CCND2: variants seen among roughly 807,000 people sequenced by gnomAD.
CCND2 encodes G1/S-specific cyclin-D2.
In CCND2, 6 loss-of-function variants were observed where a neutral mutation model predicts 30.2. The observed-to-expected ratio is 0.20, with a 90% CI of 0.11 to 0.39. CCND2 has a LOEUF of 0.39. Among genes scored for constraint, CCND2 ranks in the 10% least tolerant of loss-of-function variants. The probability of loss-of-function intolerance (pLI) is 1.00; values close to 1 mark genes in which losing one functional copy is unlikely to be tolerated. For synonymous variants in CCND2, 150 were observed against 153.1 expected, an observed-to-expected ratio of 0.98 and a Z score of 0.15; for missense variants, 235 against 373.4, an observed-to-expected ratio of 0.63 and a Z score of 3.06.
intron 4 of CCND2, among the ~76,000 whole-genome samples, chr12:4,294,542 G>A (rs1864141794): frequency 1.3e-5 from 2 of 152,124 alleles, no homozygotes; most frequent in South Asian, 2.1e-4. Flanking sequence ...CAGCCACTTG[G>A]GCTCTGTCTC....
chr12:4,282,239 G>GCTCA lies in CCND2; in HGVS notation c.571+3322_571+3325dup. On this transcript the variant is annotated intron_variant, in intron 3 of 4. Coordinates refer to ENST00000261254, the MANE Select transcript of CCND2 (RefSeq NM_001759.4). The surrounding 1 kb of genome is among the most constrained non-coding windows in gnomAD (Gnocchi z 4.3). ...CACCTGGCACCGGGTAGGGGGAGGT[G>GCTCA]CTCACCCTCCCTCTCCAGGCACCCA... 6.6e-6 allele frequency among the ~76,000 whole-genome samples: 1 copy of GCTCA among 152,226 alleles called. No individual in the cohort carries two copies. Among genetic ancestry groups the GCTCA allele is most frequent in the East Asian group, 1.9e-4 (1 of 5,174 alleles).
chr12:4,288,070 T>C (rs1029212681), intron 3 of CCND2, among the ~76,000 whole-genome samples: 1 of 152,158 alleles, frequency 6.6e-6, no homozygotes, highest in Non-Finnish European at 1.5e-5. Flanking sequence ...ATGCAATGAT[T>C]AATCTTCAGT....
intron 4 of CCND2, among the ~76,000 whole-genome samples, chr12:4,296,418 C>T (rs1046999166): frequency 6.6e-6 from 1 of 152,238 alleles, no homozygotes; most frequent in South Asian, 2.1e-4. Flanking sequence ...CTGTGCCATG[C>T]GAAACCCTCT....
chr12:4,275,994 T>G lies in CCND2; in HGVS notation c.196-11T>G. On this transcript the variant is annotated splice_polypyrimidine_tract_variant and intron_variant, in intron 1 of 4. Coordinates refer to ENST00000261254, the MANE Select transcript of CCND2 (RefSeq NM_001759.4). ...CCCCCGCCCCCCAACCCTTTCCCAC[T>G]CCCATTATAGGTCTGTGAGGAACAG... is the stretch of plus-strand genomic sequence containing the variant. 2.4e-6 allele frequency: 2 copies of G among 838,440 alleles called. No homozygotes were observed. Among genetic ancestry groups the G allele is most frequent in the Non-Finnish European group, 3.4e-6 (2 of 579,976 alleles). 51.9% of individuals were successfully genotyped at this position (838,440 alleles called of 1,614,324 possible). A position where few individuals can be genotyped will look rare whatever the true frequency, so the allele number is the denominator to read the frequency against.
rs1450035890 is a variant in CCND2, at chr12:4,285,354, CT to C, written c.572-3487del. 2.9e-5 allele frequency: 29 copies of C among 985,152 alleles called. No individual in the cohort carries two copies. The East Asian group carries it at 1.0e-3, about 35-fold the overall frequency. 61.0% of individuals were successfully genotyped at this position (985,152 alleles called of 1,614,324 possible). ...CGATGGCGAGGGCACACCCTCACCC[CT>C]GAGCGTGCCTTCTGCACCAGCATAT... On this transcript the variant is annotated intron_variant, in intron 3 of 4. Transcript: ENST00000261254. The surrounding 1 kb of genome is among the most constrained non-coding windows in gnomAD (Gnocchi z 4.1).
In CCND2 at chr12:4,274,091, C is replaced by T. The variant is rs2120513286; in HGVS notation, c.51C>T (p.Asp17=). The change falls in exon 1 of 5, where the codon GAC becomes GAT. Residue 17 remains aspartate (D), a synonymous_variant. Coordinates refer to ENST00000261254, the MANE Select transcript of CCND2 (RefSeq NM_001759.4). The surrounding 1 kb of genome is among the most constrained non-coding windows in gnomAD (Gnocchi z 7.7). ...EVDPVRRAVR[D]RNLLRDDRVL... ...ACCCGGTCCGCAGGGCCGTGCGGGA[C>T]CGCAACCTGCTCCGAGACGACCGCG... The T allele has an allele frequency of 6.2e-7, 1 of 1,613,740 alleles. No individual in the cohort carries two copies. Among genetic ancestry groups the T allele is most frequent in the Non-Finnish European group, 8.5e-7 (1 of 1,179,908 alleles).
rs2120597716 is a variant in CCND2, at chr12:4,301,444, T to G, written c.*1435T>G. 1 of 232,860 alleles carries G rather than the reference T, an allele frequency of 4.3e-6. No homozygotes were observed. The highest frequency in any genetic ancestry group is 6.1e-5 in the East Asian group (1 of 16,508). 14.4% of individuals were successfully genotyped at this position (232,860 alleles called of 1,614,324 possible). ...CTTCCTCTCCACTTCTTAGAGGCAT[T>G]CAGTTAGCAAAGAGGTTGGAGCAAC... On this transcript the variant is annotated 3_prime_UTR_variant, in exon 5 of 5. Transcript: ENST00000261254.
rs758862176 is a variant in CCND2, at chr12:4,288,994, G to A, written c.720+4G>A. 4.4e-6 allele frequency: 7 copies of A among 1,607,188 alleles called. No individual in the cohort carries two copies. In the East Asian group the frequency reaches 1.6e-4, roughly 36 times the overall value. Reference sequence around the variant, plus strand: ...TAAGATCACCAACACAGACGTGGTAGGTGGCCACCACCTTCTTGGCTAAGT... The same window carrying A: ...TAAGATCACCAACACAGACGTGGTAAGTGGCCACCACCTTCTTGGCTAAGT... On this transcript the variant is annotated splice_donor_region_variant and intron_variant, in intron 4 of 4. Coordinates refer to ENST00000261254, the MANE Select transcript of CCND2 (RefSeq NM_001759.4).
At position 4,274,352 on chromosome 12, in the gene CCND2, C is replaced by A; in HGVS notation, c.195+117C>A. ...CCGCGCCGGCCTCCCGGCTCCTGTG[C>A]GGGAGTTTACCGCGCGCCTTCTGGC... On this transcript the variant is annotated intron_variant, in intron 1 of 4. Transcript: ENST00000261254. The surrounding 1 kb of genome is among the most constrained non-coding windows in gnomAD (Gnocchi z 7.7). The A allele has an allele frequency of 9.2e-7, 1 of 1,085,090 alleles. No individual in the cohort carries two copies. Among genetic ancestry groups the A allele is most frequent in the Non-Finnish European group, 1.4e-6 (1 of 739,686 alleles). 67.2% of individuals were successfully genotyped at this position (1,085,090 alleles called of 1,614,324 possible). A position where few individuals can be genotyped will look rare whatever the true frequency, so the allele number is the denominator to read the frequency against.
intron 4 of CCND2, chr12:4,297,899 G>A (rs1236855882): frequency 2.3e-6 from 1 of 441,082 alleles, no homozygotes; most frequent in Non-Finnish European, 4.6e-6. Flanking sequence ...TCCTGCTGCT[G>A]CGTCACGTCT....
chr12:4,305,000 CT>C lies in CCND2; in HGVS notation c.*5002del, dbSNP rs61152953. On this transcript the variant is annotated 3_prime_UTR_variant, in exon 5 of 5. Coordinates refer to ENST00000261254, the MANE Select transcript of CCND2 (RefSeq NM_001759.4). This position sits in a 1 kb window ranked among gnomAD's most constrained non-coding sequence, Gnocchi z 6.2. ...GGACTTTTTTTTTTCTTTTCTTTTT[CT>C]TTTTTTTTTTGCTTTAAAACAAGTG... 0.4 allele frequency: 78,487 copies of C among 195,498 alleles called. 12,241 individuals are homozygous for C. Among genetic ancestry groups the C allele is most frequent in the East Asian group, 0.57 (8,048 of 14,036 alleles). 12.1% of individuals were successfully genotyped at this position (195,498 alleles called of 1,614,324 possible). A position where few individuals can be genotyped will look rare whatever the true frequency, so the allele number is the denominator to read the frequency against.
chr12:4,299,951 C>G lies in CCND2; in HGVS notation c.812C>G (p.Ser271Trp), dbSNP rs776036883. 6.2e-7 allele frequency: 1 copy of G among 1,614,082 alleles called. No homozygotes were observed. The highest frequency in any genetic ancestry group is 8.5e-7 in the Non-Finnish European group (1 of 1,180,000). Residue 271 changes from serine to tryptophan, a missense_variant, in exon 5 of 5, where the codon TCG becomes TGG. Physicochemically the swap from Ser to Trp is radical, Grantham distance 177 (BLOSUM62 -3). Coordinates refer to ENST00000261254, the MANE Select transcript of CCND2 (RefSeq NM_001759.4). This position sits in a 1 kb window ranked among gnomAD's most constrained non-coding sequence, Gnocchi z 5.2. ...CAGGACCAACGTGACGGATCCAAGT[C>G]GGAGGATGAACTGGACCAAGCCAGC... ...YRQDQRDGSK[S>W]EDELDQASTP...
intron 3 of CCND2, 105 bp downstream of exon 3, chr12:4,279,024 G>A (rs925232064): frequency 5.9e-6 from 7 of 1,185,228 alleles, no homozygotes; most frequent in Non-Finnish European, 8.2e-6. Flanking sequence ...TCAGGAGTTT[G>A]GAGGAGGGGT....
chr12:4,281,350 G>T (rs763607678), intron 3 of CCND2, among the ~76,000 whole-genome samples: 28 of 152,208 alleles, frequency 1.8e-4, no homozygotes, highest in African/African-American at 6.8e-4. Context: ...ACCGAAGGCC[G>T]CTTTTCTTGA....
rs750783951 is a variant in CCND2, at chr12:4,288,989, T to C, written c.719T>C (p.Val240Ala). The C allele has an allele frequency of 8.7e-6, 14 of 1,608,614 alleles. No individual in the cohort carries two copies. The South Asian group carries it at 1.4e-4, about 17-fold the overall frequency. ...CTGGCTAAGATCACCAACACAGACG[T>C]GGTAGGTGGCCACCACCTTCTTGGC... Reference protein sequence around the residue: ...ELLAKITNTDVDCLKACQEQI... With the variant: ...ELLAKITNTDADCLKACQEQI... The change falls in exon 4 of 5, where the codon GTG becomes GCG. Residue 240 changes from valine (V) to alanine (A), a missense_variant and splice_region_variant. This residue lies in a region of CCND2 where 178 missense variants were observed against 322.8 expected (regional missense o/e 0.55). Coordinates refer to ENST00000261254, the MANE Select transcript of CCND2 (RefSeq NM_001759.4).
chr12:4,276,043 T>C lies in CCND2; in HGVS notation c.234T>C (p.Pro78=), dbSNP rs560009483. 1.3e-6 allele frequency: 2 copies of C among 1,591,832 alleles called. No individual in the cohort carries two copies. The highest frequency in any genetic ancestry group is 4.6e-5 in the East Asian group (2 of 43,754). ...AGAAGTGCGAAGAAGAGGTCTTCCC[T>C]CTGGCCATGAATTACCTGGACCGTT... ...EEQKCEEEVF[P]LAMNYLDRFL... Residue 78 remains proline (P), a synonymous_variant, in exon 2 of 5, where the codon CCT becomes CCC. Coordinates refer to ENST00000261254, the MANE Select transcript of CCND2 (RefSeq NM_001759.4). The surrounding 1 kb of genome is among the most constrained non-coding windows in gnomAD (Gnocchi z 4.8).
At position 4,278,786 on chromosome 12, in the gene CCND2, G is replaced by C; in HGVS notation, c.438G>C (p.Lys146Asn). Reference protein sequence around the residue: ...LLEWELVVLGKLKWNLAAVTP... With the variant: ...LLEWELVVLGNLKWNLAAVTP... ...AGTGGGAACTGGTGGTGCTGGGGAA[G>C]TTGAAGTGGAACCTGGCAGCTGTCA... The change falls in exon 3 of 5, where the codon AAG becomes AAC. Residue 146 changes from lysine (K) to asparagine (N), a missense_variant. Coordinates refer to ENST00000261254, the MANE Select transcript of CCND2 (RefSeq NM_001759.4). 1 of 1,614,196 alleles carries C rather than the reference G, an allele frequency of 6.2e-7. No homozygotes were observed. The highest frequency in any genetic ancestry group is 8.5e-7 in the Non-Finnish European group (1 of 1,179,992).
In CCND2 at chr12:4,305,004, T is replaced by C. The variant is rs932502413; in HGVS notation, c.*4995T>C. On this transcript the variant is annotated 3_prime_UTR_variant, in exon 5 of 5. Coordinates refer to ENST00000261254, the MANE Select transcript of CCND2 (RefSeq NM_001759.4). This position sits in a 1 kb window ranked among gnomAD's most constrained non-coding sequence, Gnocchi z 6.4. The stretch of plus-strand genomic sequence containing the variant: ...TTTTTTTTTTCTTTTCTTTTTCTTT[T>C]TTTTTTTGCTTTAAAACAAGTGTGA... 19 of 233,192 alleles carry C rather than the reference T, an allele frequency of 8.1e-5. No individual in the cohort carries two copies. Among genetic ancestry groups the C allele is most frequent in the Non-Finnish European group, 1.6e-4 (19 of 118,016 alleles). 14.4% of individuals were successfully genotyped at this position (233,192 alleles called of 1,614,324 possible).
Position 4,276,296 on chromosome 12 carries a change from C to T in CCND2, c.411+76C>T. 1 of 1,268,908 alleles carries T rather than the reference C, an allele frequency of 7.9e-7. No individual in the cohort carries two copies. Among genetic ancestry groups the T allele is most frequent in the Non-Finnish European group, 1.1e-6 (1 of 899,050 alleles). The allele number at this position is 1,268,908 out of a possible 1,614,324, so 78.6% of individuals were successfully genotyped here. Reference sequence around the variant, plus strand: ...TGGCCAACAATATGCCTTCTATCACCACTGCCAGAGCAAATTCTTGGGATC... The same window carrying T: ...TGGCCAACAATATGCCTTCTATCACTACTGCCAGAGCAAATTCTTGGGATC... On this transcript the variant is annotated intron_variant, in intron 2 of 4. Coordinates refer to ENST00000261254, the MANE Select transcript of CCND2 (RefSeq NM_001759.4). This position sits in a 1 kb window ranked among gnomAD's most constrained non-coding sequence, Gnocchi z 4.8.
Sources: gnomAD v4.1 joint callset for allele counts (sites outside exome capture counted in the v4.1 genomes callset) on GRCh38, gnomAD v4.1.1 for gene constraint, gnomAD v4.1.1 regional missense constraint, Gnocchi (gnomAD v3.1) non-coding constraint, MANE v1.5 for transcripts, NCBI Gene and HGNC (gene_info 2026-07-23, HGNC 2026-07-21) for gene names.